Variants in ADGRL3 observed in about 807,000 individuals in gnomAD.
ADGRL3 encodes adhesion G protein-coupled receptor L3, also known as calcium-independent alpha-latrotoxin receptor 3.
ADGRL3 carries 62 observed loss-of-function variants against 153.5 expected under a neutral mutation model. The ratio of observed to expected loss-of-function variants is 0.40; its 90% confidence interval spans 0.33 to 0.50. ADGRL3 has a LOEUF of 0.50. Among genes scored for constraint, ADGRL3 ranks in the 20% least tolerant of loss-of-function variants. The pLI is 0.47. For synonymous variants in ADGRL3, 710 were observed against 672.5 expected (o/e 1.06, Z -0.86); for missense variants, 1,641 against 1,859.4 (o/e 0.88, Z 2.16).
chr4:61,955,971 A>G (rs1322471297), intron 17 of ADGRL3, among the ~76,000 whole-genome samples: 1 of 152,146 alleles, frequency 6.6e-6, no homozygotes, highest in African/African-American at 2.4e-5. Context: ...TGACTTTGCT[A>G]TTGTAAATAG....
intron 1 of ADGRL3, among the ~76,000 whole-genome samples, chr4:61,341,215 G>C (rs1432914991): frequency 6.6e-6 from 1 of 151,564 alleles, no homozygotes; most frequent in Non-Finnish European, 1.5e-5. Flanking sequence ...ATAAACTATT[G>C]AAATCAATAA....
At chr4:61,801,769 T>C (rs759178856) in intron 8 of ADGRL3, among the ~76,000 whole-genome samples, 19 of 152,290 alleles carry the variant, frequency 1.2e-4, no homozygotes, top group Admixed American at 3.3e-4. Context: ...TTTTCACTTA[T>C]GCCTAATGTC....
intron 9 of ADGRL3, among the ~76,000 whole-genome samples, chr4:61,890,360 A>C (rs1444943109): frequency 6.6e-6 from 1 of 152,198 alleles, no homozygotes; most frequent in Non-Finnish European, 1.5e-5. Context: ...TTCATTTTCT[A>C]CCACTGTAAC....
chr4:61,201,336 G>T lies in ADGRL3; in HGVS notation c.-669G>T, dbSNP rs1432487171. On this transcript the variant is annotated 5_prime_UTR_variant, in exon 1 of 27. Coordinates refer to ENST00000683033, the MANE Select transcript of ADGRL3 (RefSeq NM_001387552.1). Reference sequence around the variant, plus strand: ...CTATGACTGCCGCATGTTAATAGCTGCCGCTGGGTCCCTCGGCTGCTGCTG... The same window carrying T: ...CTATGACTGCCGCATGTTAATAGCTTCCGCTGGGTCCCTCGGCTGCTGCTG... The T allele has an allele frequency of 6.5e-6, 1 of 152,812 alleles. No homozygotes were observed. Among genetic ancestry groups the T allele is most frequent in the African/African-American group, 2.4e-5 (1 of 41,436 alleles). The allele number at this position is 152,812 out of a possible 1,614,324, so 9.5% of individuals were successfully genotyped here.
chr4:61,464,246 T>G (rs1450419197), intron 2 of ADGRL3, among the ~76,000 whole-genome samples: 2 of 152,164 alleles, frequency 1.3e-5, no homozygotes, highest in Non-Finnish European at 2.9e-5. Context: ...TTGGAACAAA[T>G]TTACATTTTC....
chr4:61,288,720 A>T (rs2094044949), intron 1 of ADGRL3, among the ~76,000 whole-genome samples: 1 of 152,018 alleles, frequency 6.6e-6, no homozygotes, highest in Admixed American at 6.6e-5. Flanking sequence ...AAACTGTTTA[A>T]AGTAAATAAG....
chr4:61,370,660 A>T (rs954305711), intron 1 of ADGRL3, among the ~76,000 whole-genome samples: 6 of 151,838 alleles, frequency 4.0e-5, no homozygotes, highest in African/African-American at 1.5e-4. Flanking sequence ...GTATGTGGTC[A>T]ATTTTGGAAT....
intron 4 of ADGRL3, among the ~76,000 whole-genome samples, chr4:61,562,814 C>A (rs2098800617): frequency 6.6e-6 from 1 of 151,998 alleles, no homozygotes; most frequent in Admixed American, 6.6e-5. Flanking sequence ...TTCAGTCAAT[C>A]ATGAATGTTC....
intron 5 of ADGRL3, among the ~76,000 whole-genome samples, chr4:61,670,098 A>T (rs2094940319): frequency 6.6e-6 from 1 of 152,172 alleles, no homozygotes; most frequent in Admixed American, 6.5e-5. Context: ...GATCGAGACC[A>T]TCCTGGCCAA....
intron 17 of ADGRL3, among the ~76,000 whole-genome samples, chr4:61,964,167 A>G (rs2098997971): frequency 6.6e-6 from 1 of 152,162 alleles, no homozygotes; most frequent in Non-Finnish European, 1.5e-5. Flanking sequence ...TTCTTAGACA[A>G]ATCATCTGAA....
At chr4:61,567,403 G>C (rs1486704184) in intron 4 of ADGRL3, among the ~76,000 whole-genome samples, 1 of 152,116 alleles carries the variant, frequency 6.6e-6, no homozygotes, top group Non-Finnish European at 1.5e-5. Flanking sequence ...GCCTTTGGAA[G>C]GTGATAAGAT....
At chr4:61,734,749 G>A (rs2096487219) in intron 8 of ADGRL3, among the ~76,000 whole-genome samples, 1 of 152,174 alleles carries the variant, frequency 6.6e-6, no homozygotes, top group African/African-American at 2.4e-5. Flanking sequence ...AACTAAGATA[G>A]AGGTGTCTGA....
chr4:61,259,835 A>G (rs1292241911), intron 1 of ADGRL3, among the ~76,000 whole-genome samples: 1 of 152,190 alleles, frequency 6.6e-6, no homozygotes, highest in Non-Finnish European at 1.5e-5. Flanking sequence ...TGCAGACTCA[A>G]ATAGGTTACC....
chr4:61,811,104 A>C, intron 8 of ADGRL3, among the ~76,000 whole-genome samples: 1 of 152,110 alleles, frequency 6.6e-6, no homozygotes, highest in Non-Finnish European at 1.5e-5. Flanking sequence ...TTTACCCATA[A>C]CATTACCATA....
rs1037876957 is a variant in ADGRL3 at position 61,799,498 on chromosome 4, A to G, written c.1400-14311A>G. On this transcript the variant is annotated intron_variant, in intron 8 of 26. Coordinates refer to ENST00000683033, the MANE Select transcript of ADGRL3 (RefSeq NM_001387552.1). ...AACATTCTTCTATGACAGACCACAC[A>G]TACTCAGGCCATGGCCAGCTTTTGT... 1.6e-4 allele frequency among the ~76,000 whole-genome samples: 24 copies of G among 152,132 alleles called. 1 individual carries two copies. The highest frequency in any genetic ancestry group is 6.8e-3 in the Middle Eastern group (2 of 294).
At chr4:61,491,667 C>T (rs948472490) in intron 2 of ADGRL3, among the ~76,000 whole-genome samples, 69 of 151,962 alleles carry the variant, frequency 4.5e-4, no homozygotes, top group African/African-American at 1.4e-3. Context: ...CAATATTCCC[C>T]GCTTGATATC....
intron 1 of ADGRL3, among the ~76,000 whole-genome samples, chr4:61,317,280 A>G (rs2095244554): frequency 6.6e-6 from 1 of 152,168 alleles, no homozygotes; most frequent in African/African-American, 2.4e-5. Flanking sequence ...TATCTTAGCT[A>G]TTTGTACTGC....
intron 15 of ADGRL3, among the ~76,000 whole-genome samples, chr4:61,939,707 A>G (rs559527225): frequency 3.3e-5 from 5 of 152,094 alleles, no homozygotes; most frequent in African/African-American, 1.2e-4. Context: ...TGACTTCGTG[A>G]TCTGCCCGCC....
intron 1 of ADGRL3, among the ~76,000 whole-genome samples, chr4:61,318,686 C>T (rs991671496): frequency 1.3e-5 from 2 of 151,982 alleles, no homozygotes; most frequent in Admixed American, 1.3e-4. Context: ...CATTAGAGAC[C>T]TTCATCAGGG....
Sources: gnomAD v4.1 joint callset for allele counts (sites outside exome capture counted in the v4.1 genomes callset) on GRCh38, gnomAD v4.1.1 for gene constraint, MANE v1.5 for transcripts, NCBI Gene and HGNC (gene_info 2026-07-23, HGNC 2026-07-21) for gene names.